PALLD: variants seen among roughly 807,000 people sequenced by gnomAD.
PALLD encodes palladin, cytoskeletal associated protein, also known as palladin.
A neutral mutation model predicts 123.5 loss-of-function variants in PALLD; 61 were observed. That is an observed-to-expected ratio of 0.49 (90% confidence interval 0.40 to 0.61). The LOEUF (loss-of-function observed/expected upper bound fraction) is 0.61. PALLD is among the 20% of genes least tolerant of loss of function. The pLI is 0.00. For synonymous variants in PALLD, 465 were observed against 496.4 expected (o/e 0.94, Z 0.84); for missense variants, 1,273 against 1,377.0 (o/e 0.92, Z 1.20).
At chr4:168,713,165 C>G (rs1785002195) in intron 10 of PALLD, among the ~76,000 whole-genome samples, 1 of 152,216 alleles carries the variant, frequency 6.6e-6, no homozygotes, top group Admixed American at 6.5e-5. Flanking sequence ...TCTTTTAAGA[C>G]AGTAGGGCTA....
Position 168,913,963 on chromosome 4 carries a change from G to A in PALLD, c.2659G>A (p.Ala887Thr). The A allele has an allele frequency of 1.9e-6, 3 of 1,613,400 alleles. No individual in the cohort carries two copies. The highest frequency in any genetic ancestry group is 2.5e-6 in the Non-Finnish European group (3 of 1,179,342). Residue 887 changes from alanine to threonine, a missense_variant, in exon 16 of 22, where the codon GCT (alanine) becomes ACT (threonine). Physicochemically the swap from Ala to Thr is moderately conservative, Grantham distance 58. Transcript: ENST00000505667. ...ISCTGRLMVQ[A>T]VNQRGRSPRS... is the part of the protein sequence containing the mutation. The stretch of plus-strand genomic sequence containing the variant: ...TTGTACTGGACGGCTAATGGTACAG[G>A]CTGTCAACCAAAGAGGTCGAAGTCC...
At chr4:168,664,572 A>G (rs907698355) in intron 2 of PALLD, among the ~76,000 whole-genome samples, 2 of 152,218 alleles carry the variant, frequency 1.3e-5, no homozygotes, top group African/African-American at 4.8e-5. Flanking sequence ...TGTAATACAT[A>G]GGAGAAATAA....
chr4:168,721,938 A>G (rs1221313059), intron 10 of PALLD, among the ~76,000 whole-genome samples: 2 of 152,172 alleles, frequency 1.3e-5, no homozygotes, highest in Non-Finnish European at 2.9e-5. Context: ...CTCCACAAAC[A>G]CTGTTTTCCA....
intron 2 of PALLD, among the ~76,000 whole-genome samples, chr4:168,555,578 A>G (rs1284681376): frequency 6.6e-6 from 1 of 152,228 alleles, no homozygotes; most frequent in Non-Finnish European, 1.5e-5. Flanking sequence ...TATGAGTATT[A>G]GAATGAAAGA....
intron 12 of PALLD, 72 bp downstream of exon 12, chr4:168,894,749 T>C (rs1285174771): frequency 6.4e-6 from 10 of 1,565,138 alleles, no homozygotes; most frequent in Middle Eastern, 1.7e-4. Context: ...TTATGGATAC[T>C]GTTCTTGGGA....
chr4:168,809,028 C>A (rs549074602), intron 10 of PALLD, among the ~76,000 whole-genome samples: 4 of 152,320 alleles, frequency 2.6e-5, no homozygotes, highest in African/African-American at 9.6e-5. Context: ...TTTATTTAAA[C>A]ACAGTGTCAT....
intron 2 of PALLD, among the ~76,000 whole-genome samples, chr4:168,601,398 C>A (rs1157044144): frequency 6.6e-6 from 1 of 152,088 alleles, no homozygotes; most frequent in Non-Finnish European, 1.5e-5. Flanking sequence ...TCATAAACTT[C>A]AATGCGTAGA....
intron 10 of PALLD, among the ~76,000 whole-genome samples, chr4:168,810,212 G>A (rs1472466931): frequency 2.6e-5 from 4 of 152,090 alleles, no homozygotes; most frequent in Non-Finnish European, 4.4e-5. Flanking sequence ...TGGGAAAAGA[G>A]CATATATAGA....
chr4:168,577,935 T>C (rs1460509228), intron 2 of PALLD, among the ~76,000 whole-genome samples: 1 of 142,998 alleles, frequency 7.0e-6, no homozygotes, highest in Non-Finnish European at 1.5e-5. Flanking sequence ...GACACATGAA[T>C]GGGGGCGGGG....
intron 15 of PALLD, among the ~76,000 whole-genome samples, chr4:168,907,215 A>G (rs1160766627): frequency 6.6e-6 from 1 of 152,226 alleles, no homozygotes; most frequent in Non-Finnish European, 1.5e-5. Flanking sequence ...AATGCTAGTT[A>G]CTGTCATTAT....
rs1025471585 is a variant in PALLD, at chr4:168,668,343, A to G, written c.1062A>G (p.Thr354=). ...CTACGAATCCCAGCGGCTCAGACAC[A>G]ACATCTGCTGAGGTGTTCATTGAAG... ...CLATNPSGSD[T]TSAEVFIEGA... Residue 354 remains threonine (T), a synonymous_variant, in exon 3 of 22, where the codon ACA becomes ACG. Coordinates refer to ENST00000505667, the MANE Select transcript of PALLD (RefSeq NM_001166108.2). 6.2e-7 allele frequency: 1 copy of G among 1,611,498 alleles called. No individual in the cohort carries two copies. Among genetic ancestry groups the G allele is most frequent in the African/African-American group, 1.3e-5 (1 of 74,888 alleles).
chr4:168,519,272 G>T (rs1004003758), intron 2 of PALLD, among the ~76,000 whole-genome samples: 8 of 152,126 alleles, frequency 5.3e-5, no homozygotes, highest in African/African-American at 1.9e-4. Flanking sequence ...TAGAGACACA[G>T]ATATAAACTA....
At chr4:168,700,239 A>T (rs1376931703) in intron 8 of PALLD, 2 of 153,024 alleles carry the variant, frequency 1.3e-5, no homozygotes, top group Non-Finnish European at 2.9e-5. Flanking sequence ...CATTGTATTC[A>T]AATTTTATCT....
intron 10 of PALLD, among the ~76,000 whole-genome samples, chr4:168,809,320 T>TTCG (rs1740707012): frequency 4.4e-5 from 1 of 22,738 alleles, no homozygotes; most frequent in South Asian, 7.9e-4. Context: ...TTATAAATCC[T>TTCG]TCTTCTTCTT....
chr4:168,553,592 G>C (rs1034234039), intron 2 of PALLD, among the ~76,000 whole-genome samples: 5 of 152,182 alleles, frequency 3.3e-5, no homozygotes, highest in African/African-American at 1.2e-4. Context: ...AGAAAAAGAA[G>C]GCTGGGGTGA....
intron 10 of PALLD, among the ~76,000 whole-genome samples, chr4:168,780,313 C>A (rs1344431966): frequency 6.6e-6 from 1 of 152,164 alleles, no homozygotes; most frequent in Non-Finnish European, 1.5e-5. Flanking sequence ...TCCTACCAAC[C>A]TTTTTTCCCA....
At chr4:168,815,791 A>T (rs1741811773) in intron 10 of PALLD, among the ~76,000 whole-genome samples, 1 of 152,220 alleles carries the variant, frequency 6.6e-6, no homozygotes, top group Non-Finnish European at 1.5e-5. Flanking sequence ...ATACTAAGCG[A>T]TAGGATATCC....
At chr4:168,550,393 G>A (rs1766607187) in intron 2 of PALLD, among the ~76,000 whole-genome samples, 2 of 152,120 alleles carry the variant, frequency 1.3e-5, no homozygotes, top group Non-Finnish European at 2.9e-5. Flanking sequence ...AGGCCTACAA[G>A]TATTTGAGTT....
At chr4:168,819,359 G>A (rs1386803017) in intron 10 of PALLD, among the ~76,000 whole-genome samples, 1 of 138,598 alleles carries the variant, frequency 7.2e-6, no homozygotes, top group African/African-American at 2.7e-5. Flanking sequence ...GTGTGTGTGT[G>A]TGTGATTCCT....
Sources: allele counts gnomAD v4.1 joint callset (sites outside exome capture counted in the v4.1 genomes callset), GRCh38; gene constraint gnomAD v4.1.1; transcripts MANE v1.5; gene names NCBI Gene and HGNC (gene_info 2026-07-23, HGNC 2026-07-21).